GPC5: variants seen among roughly 807,000 people sequenced by gnomAD.
GPC5 encodes the protein glypican 5, also known as glypican-5.
A neutral mutation model predicts 53.9 loss-of-function variants in GPC5; 47 were observed. That is an observed-to-expected ratio of 0.87 (90% CI 0.69 to 1.11). The LOEUF (loss-of-function observed/expected upper bound fraction) is 1.11, where lower values mean the gene tolerates loss of function less well. Among genes scored for constraint, GPC5 ranks in the 50% most tolerant of loss-of-function variants. GPC5 has a pLI of 0.00. For missense variants in GPC5, 748 were observed against 713.1 expected (o/e 1.05, Z -0.56); for synonymous variants, 286 against 263.3 (o/e 1.09, Z -0.84).
chr13:92,382,998 G>A lies in GPC5; in HGVS notation c.1561+238009G>A, dbSNP rs374446621. Among the ~76,000 whole-genome samples, 258 of 84,908 alleles carry A rather than the reference G, an allele frequency of 3.0e-3. 2 individuals carry two copies. The highest frequency in any genetic ancestry group is 0.014 in the African/African-American group (246 of 18,144). The allele number at this position is 84,908 out of a possible 152,430, so 55.7% of individuals were successfully genotyped here. A position where few individuals can be genotyped will look rare whatever the true frequency, so the allele number is the denominator to read the frequency against. On this transcript the variant is annotated intron_variant, in intron 7 of 7. Coordinates refer to ENST00000377067, the MANE Select transcript of GPC5 (RefSeq NM_004466.6). The stretch of plus-strand genomic sequence containing the variant: ...AGCCTGGGCTACAGAGCAAGACTCC[G>A]TCTCAAAAAAAAAAAAAAAAAAAAA...
chr13:91,828,848 A>T (rs2038613951), intron 5 of GPC5, among the ~76,000 whole-genome samples: 1 of 152,076 alleles, frequency 6.6e-6, no homozygotes, highest in Admixed American at 6.6e-5. Flanking sequence ...ATAAACAAAA[A>T]AATGTACAAA....
intron 6 of GPC5, among the ~76,000 whole-genome samples, chr13:92,088,912 A>G (rs2138892521): frequency 6.6e-6 from 1 of 152,298 alleles, no homozygotes; most frequent in Non-Finnish European, 1.5e-5. Flanking sequence ...CAATGGTGCC[A>G]CAGAAATAAA....
intron 7 of GPC5, among the ~76,000 whole-genome samples, chr13:92,206,198 G>C (rs1232498602): frequency 3.7e-4 from 50 of 136,784 alleles, no homozygotes; most frequent in African/African-American, 1.2e-3. Context: ...CAGAGTCTCG[G>C]TCTGTCGCCC....
chr13:92,729,327 ACTACAT>A (rs1888736064), intron 7 of GPC5, among the ~76,000 whole-genome samples: 2 of 151,368 alleles, frequency 1.3e-5, no homozygotes, highest in South Asian at 4.1e-4. Context: ...GTAGCCACTA[ACTACAT>A]ATGTCTATTG....
At chr13:92,691,945 A>T (rs377416591) in intron 7 of GPC5, among the ~76,000 whole-genome samples, 8 of 152,146 alleles carry the variant, frequency 5.3e-5, no homozygotes, top group African/African-American at 1.7e-4. Flanking sequence ...CTTGATGCTG[A>T]GGTTTGGAGT....
intron 6 of GPC5, among the ~76,000 whole-genome samples, chr13:92,126,452 A>G (rs571101009): frequency 1.7e-4 from 26 of 152,326 alleles, no homozygotes; most frequent in Non-Finnish European, 1.3e-4. Flanking sequence ...GAGATGATTG[A>G]TTTTATTTTT....
At chr13:92,359,258 A>C (rs2074141591) in intron 7 of GPC5, among the ~76,000 whole-genome samples, 1 of 151,656 alleles carries the variant, frequency 6.6e-6, no homozygotes, top group Admixed American at 6.6e-5. Context: ...TCTCTTTGCT[A>C]AAGCATAGCA....
chr13:92,561,204 T>C (rs1034651723), intron 7 of GPC5, among the ~76,000 whole-genome samples: 28 of 151,990 alleles, frequency 1.8e-4, no homozygotes, highest in African/African-American at 6.3e-4. Context: ...CAATTTTCTC[T>C]TTTCAGTAAG....
Position 92,606,479 on chromosome 13 carries a change from G to C in GPC5, c.1562-259803G>C, listed in dbSNP as rs137914887. Among the ~76,000 whole-genome samples the C allele has an allele frequency of 3.4e-4, 52 of 152,244 alleles. No homozygotes were observed. In the East Asian group the frequency reaches 9.6e-3, roughly 28 times the overall value. ...ATATGTGCCACATTTTCTTAATCCA[G>C]TCTATCATTTGTGGACATTTGGGTT... On this transcript the variant is annotated intron_variant, in intron 7 of 7. Coordinates refer to ENST00000377067, the MANE Select transcript of GPC5 (RefSeq NM_004466.6).
intron 5 of GPC5, among the ~76,000 whole-genome samples, chr13:91,904,278 G>C (rs1438521253): frequency 2.0e-5 from 3 of 150,570 alleles, no homozygotes; most frequent in Non-Finnish European, 2.9e-5. Flanking sequence ...GGGCTCCCAT[G>C]ATCCCCCTGC....
At chr13:91,887,590 C>A (rs576166841) in intron 5 of GPC5, among the ~76,000 whole-genome samples, 48 of 151,862 alleles carry the variant, frequency 3.2e-4, no homozygotes, top group African/African-American at 1.1e-3. Context: ...TCCTCTTGAA[C>A]ACTTTGCCAC....
intron 7 of GPC5, among the ~76,000 whole-genome samples, chr13:92,146,288 T>C (rs1235017959): frequency 1.3e-5 from 2 of 152,204 alleles, no homozygotes; most frequent in Non-Finnish European, 2.9e-5. Context: ...AAGTCAAATA[T>C]AATTAAAGAT....
At chr13:92,699,431 G>C (rs1021139372) in intron 7 of GPC5, among the ~76,000 whole-genome samples, 1 of 151,554 alleles carries the variant, frequency 6.6e-6, no homozygotes, top group African/African-American at 2.4e-5. Context: ...CTCTCTTTCA[G>C]TTCTGTTCTG....
chr13:92,276,856 T>C (rs970339075), intron 7 of GPC5, among the ~76,000 whole-genome samples: 4 of 152,082 alleles, frequency 2.6e-5, no homozygotes, highest in Non-Finnish European at 5.9e-5. Flanking sequence ...CATGATAAAA[T>C]TTTAGTATAA....
In GPC5 at chr13:92,609,908, G is replaced by A. The variant is rs574944532; in HGVS notation, c.1562-256374G>A. Among the ~76,000 whole-genome samples, 24 of 151,842 alleles carry A rather than the reference G, an allele frequency of 1.6e-4. 1 individual carries two copies. The highest frequency in any genetic ancestry group is 5.6e-4 in the African/African-American group (23 of 41,438). On this transcript the variant is annotated intron_variant, in intron 7 of 7. Transcript: ENST00000377067. ...TAGCCAGGCATGGTGGCATGTGCCTGTAATCCCAGCTCCTCTGGAGGCTGA... is the reference window on the plus strand; with the variant it reads ...TAGCCAGGCATGGTGGCATGTGCCTATAATCCCAGCTCCTCTGGAGGCTGA...
At chr13:92,565,737 AC>A (rs1324350021) in intron 7 of GPC5, among the ~76,000 whole-genome samples, 1 of 152,074 alleles carries the variant, frequency 6.6e-6, no homozygotes, top group Non-Finnish European at 1.5e-5. Flanking sequence ...TGCCACACTT[AC>A]AACTAAAGCA....
intron 7 of GPC5, among the ~76,000 whole-genome samples, chr13:92,464,049 A>G (rs929001418): frequency 6.6e-6 from 1 of 152,232 alleles, no homozygotes; most frequent in African/African-American, 2.4e-5. Context: ...TAACAGTTGC[A>G]GTAAGAGGGA....
At chr13:92,635,601 C>T (rs1885384756) in intron 7 of GPC5, among the ~76,000 whole-genome samples, 1 of 152,206 alleles carries the variant, frequency 6.6e-6, no homozygotes, top group South Asian at 2.1e-4. Flanking sequence ...AAAGGTCCCA[C>T]TTCTCACCAC....
chr13:92,051,840 G>GAAGGGGTC (rs1332604972), intron 6 of GPC5, among the ~76,000 whole-genome samples: 1 of 152,182 alleles, frequency 6.6e-6, no homozygotes, highest in Non-Finnish European at 1.5e-5. Context: ...CCAGACATAT[G>GAAGGGGTC]AAGGGGTCAG....
Sources: allele counts gnomAD v4.1 joint callset (sites outside exome capture counted in the v4.1 genomes callset), GRCh38; gene constraint gnomAD v4.1.1; transcripts MANE v1.5; gene names NCBI Gene and HGNC (gene_info 2026-07-23, HGNC 2026-07-21).